Variants in EPHA6 observed in about 807,000 individuals in gnomAD.
EPHA6 encodes the protein ephrin type-A receptor 6.
A neutral mutation model predicts 112.0 loss-of-function variants in EPHA6; 50 were observed. That is an observed-to-expected ratio of 0.45 (90% CI 0.36 to 0.56). The LOEUF (loss-of-function observed/expected upper bound fraction) is 0.56, where lower values mean the gene tolerates loss of function less well. EPHA6 is among the 20% of genes least tolerant of loss of function. EPHA6 has a pLI of 0.00. For missense variants in EPHA6, 1,280 were observed against 1,417.4 expected (o/e 0.90, Z 1.56); for synonymous variants, 529 against 490.7 (o/e 1.08, Z -1.03).
chr3:97,469,654 A>G (rs2091164619), intron 7 of EPHA6, among the ~76,000 whole-genome samples: 1 of 151,664 alleles, frequency 6.6e-6, no homozygotes. Flanking sequence ...TTGGAAGGCG[A>G]AGGAGAGAAT....
chr3:97,026,731 G>A (rs1322720545), intron 3 of EPHA6, among the ~76,000 whole-genome samples: 2 of 152,002 alleles, frequency 1.3e-5, no homozygotes, highest in African/African-American at 2.4e-5. Context: ...AAAACTACAA[G>A]GAGATACCAC....
At chr3:97,064,459 T>C (rs1013226509) in intron 3 of EPHA6, among the ~76,000 whole-genome samples, 4 of 152,158 alleles carry the variant, frequency 2.6e-5, no homozygotes, top group African/African-American at 7.2e-5. Context: ...TAATGCACAG[T>C]GTTTGATAAA....
intron 2 of EPHA6, among the ~76,000 whole-genome samples, chr3:96,935,970 ACCT>A (rs993731138): frequency 5.3e-5 from 8 of 151,922 alleles, no homozygotes; most frequent in African/African-American, 1.7e-4. Context: ...TATGGAACAA[ACCT>A]CCTAAGGAAA....
chr3:96,900,746 A>G (rs1223313096), intron 2 of EPHA6, among the ~76,000 whole-genome samples: 1 of 152,238 alleles, frequency 6.6e-6, no homozygotes, highest in African/African-American at 2.4e-5. Flanking sequence ...TAAGCACCCT[A>G]TTCATCTCTG....
At chr3:97,106,171 T>C (rs2047561289) in intron 3 of EPHA6, among the ~76,000 whole-genome samples, 1 of 152,088 alleles carries the variant, frequency 6.6e-6, no homozygotes, top group South Asian at 2.1e-4. Flanking sequence ...TTAATAGAAA[T>C]ATTAATTTGT....
chr3:96,880,966 A>C (rs2037281611), intron 2 of EPHA6, among the ~76,000 whole-genome samples: 2 of 152,100 alleles, frequency 1.3e-5, no homozygotes, highest in African/African-American at 4.8e-5. Context: ...GGTTACTGTT[A>C]ATTGTATTGC....
At chr3:96,829,215 A>G (rs933466510) in intron 1 of EPHA6, among the ~76,000 whole-genome samples, 1 of 152,156 alleles carries the variant, frequency 6.6e-6, no homozygotes, top group Admixed American at 6.6e-5. Flanking sequence ...AAGAAATTTG[A>G]TGGGAGTAGA....
chr3:96,918,903 CTT>C (rs1295547214), intron 2 of EPHA6, among the ~76,000 whole-genome samples: 4 of 151,878 alleles, frequency 2.6e-5, no homozygotes, highest in Non-Finnish European at 4.4e-5. Context: ...AGCTATAAAA[CTT>C]AAATTACTTA....
chr3:97,324,452 T>TC (rs1491185032), intron 5 of EPHA6, among the ~76,000 whole-genome samples: 1 of 148,756 alleles, frequency 6.7e-6, no homozygotes. Flanking sequence ...TTTCTTTCTT[T>TC]CTTTCTTTCT....
At chr3:97,229,296 C>A (rs2078452568) in intron 4 of EPHA6, among the ~76,000 whole-genome samples, 1 of 152,048 alleles carries the variant, frequency 6.6e-6, no homozygotes, top group South Asian at 2.1e-4. Context: ...TTTGCATAAG[C>A]CAATGTCGAG....
At chr3:97,558,356 G>C (rs930487854) in intron 11 of EPHA6, among the ~76,000 whole-genome samples, 2 of 151,986 alleles carry the variant, frequency 1.3e-5, no homozygotes, top group African/African-American at 4.8e-5. Context: ...ACAGTCTCAG[G>C]ATTGACAGTT....
At chr3:97,471,766 A>T (rs2091236126) in intron 7 of EPHA6, among the ~76,000 whole-genome samples, 1 of 151,740 alleles carries the variant, frequency 6.6e-6, no homozygotes, top group Non-Finnish European at 1.5e-5. Context: ...GCAAATAATT[A>T]TTCAACCCAC....
In EPHA6 at chr3:97,238,863, G is replaced by C. The variant is rs559365541; in HGVS notation, c.1271-5089G>C. ...AGGCTAAAGAATGGACGGGGGCCTG[G>C]TATGAAGACACTTGTAGACAAAGCT... On this transcript the variant is annotated intron_variant, in intron 4 of 17. Transcript: ENST00000389672. Among the ~76,000 whole-genome samples, 3 of 152,006 alleles carry C rather than the reference G, an allele frequency of 2.0e-5. No homozygotes were observed. In the South Asian group the frequency reaches 6.2e-4, roughly 31 times the overall value.
intron 2 of EPHA6, among the ~76,000 whole-genome samples, chr3:96,939,260 A>G (rs2040793003): frequency 6.6e-6 from 1 of 152,124 alleles, no homozygotes; most frequent in Non-Finnish European, 1.5e-5. Flanking sequence ...TTGGTAAGCT[A>G]TTGATTATTG....
At chr3:97,152,422 A>G (rs1405641160) in intron 3 of EPHA6, among the ~76,000 whole-genome samples, 1 of 149,370 alleles carries the variant, frequency 6.7e-6, no homozygotes, top group African/African-American at 2.4e-5. Flanking sequence ...AACTAATATT[A>G]TTATTAATAA....
intron 6 of EPHA6, among the ~76,000 whole-genome samples, chr3:97,421,735 G>A (rs1478341666): frequency 6.6e-6 from 1 of 152,134 alleles, no homozygotes; most frequent in African/African-American, 2.4e-5. Context: ...TAGAGTTACT[G>A]TATAGTGCAT....
chr3:97,643,848 A>T (rs1156504754), intron 14 of EPHA6, among the ~76,000 whole-genome samples: 4 of 150,696 alleles, frequency 2.7e-5, no homozygotes, highest in African/African-American at 9.8e-5. Context: ...GGGAGACTTT[A>T]ACACCCCACT....
chr3:96,917,086 G>C (rs2039518909), intron 2 of EPHA6, among the ~76,000 whole-genome samples: 1 of 151,984 alleles, frequency 6.6e-6, no homozygotes, highest in African/African-American at 2.4e-5. Flanking sequence ...TCCATAGCCA[G>C]AATATTGTTC....
chr3:96,938,530 GAT>G (rs1432516897), intron 2 of EPHA6, among the ~76,000 whole-genome samples: 5 of 152,096 alleles, frequency 3.3e-5, no homozygotes, highest in Non-Finnish European at 7.4e-5. Context: ...GGATTTTCTA[GAT>G]ATACAATCAT....
Sources: allele counts gnomAD v4.1 joint callset (sites outside exome capture counted in the v4.1 genomes callset), GRCh38; gene constraint gnomAD v4.1.1; transcripts MANE v1.5; gene names NCBI Gene and HGNC (gene_info 2026-07-23, HGNC 2026-07-21).